The following FOXN1 variants were observed in gnomAD, a reference collection of about 807,000 sequenced individuals.
FOXN1 encodes the protein forkhead box N1, also known as forkhead box protein N1.
Under a neutral mutation model 49.0 loss-of-function variants are expected in FOXN1, and 15 were observed. The ratio of observed to expected loss-of-function variants is 0.31; its 90% CI spans 0.20 to 0.47. The LOEUF is 0.47. Among genes scored for constraint, FOXN1 ranks in the 20% least tolerant of loss-of-function variants. The pLI is 1.00. For synonymous variants in FOXN1, 356 were observed against 369.0 expected (o/e 0.96, Z 0.40); for missense variants, 800 against 842.8 (o/e 0.95, Z 0.63).
rs1555606111 is a variant in FOXN1, at chr17:28,506,458, G to A, written c.-15+15G>A. On this transcript the variant is annotated intron_variant, in intron 1 of 8. Coordinates refer to ENST00000579795, the MANE Select transcript of FOXN1 (RefSeq NM_001369369.1). ...TCACTGAGCAGGTAAGAGGAGCCCCGGCCCAAGTCAGCCGTGGAGGCCAGC... is the reference window on the plus strand; with the variant it reads ...TCACTGAGCAGGTAAGAGGAGCCCCAGCCCAAGTCAGCCGTGGAGGCCAGC... The A allele has an allele frequency of 6.6e-6, 1 of 152,262 alleles. No individual in the cohort carries two copies. Among genetic ancestry groups the A allele is most frequent in the Non-Finnish European group, 1.5e-5 (1 of 68,068 alleles). 9.4% of individuals were successfully genotyped at this position (152,262 alleles called of 1,614,324 possible).
rs1204835958 is a variant in FOXN1 at position 28,534,864 on chromosome 17, C to T, written c.1293C>T (p.Gly431=). 1.2e-6 allele frequency: 2 copies of T among 1,614,050 alleles called. No homozygotes were observed. Among genetic ancestry groups the T allele is most frequent in the South Asian group, 1.1e-5 (1 of 91,082 alleles). ...PPLHSLHPAP[G]PIPGKNPLQD... ...TGCACTCACTCCACCCAGCTCCAGG[C>T]CCCATTCCTGGCAAGAACCCCCTGC... The change falls in exon 8 of 9, where the codon GGC becomes GGT. Residue 431 remains glycine (G), a synonymous_variant. Transcript: ENST00000579795. The surrounding 1 kb of genome is among the most constrained non-coding windows in gnomAD (Gnocchi z 4.1).
Position 28,527,379 on chromosome 17 carries a change from G to A in FOXN1, c.699+18G>A, listed in dbSNP as rs780561388. On this transcript the variant is annotated intron_variant, in intron 4 of 8. Transcript: ENST00000579795. Reference sequence around the variant, plus strand: ...TCCACCAGGTGGGTCTGGGGCAAGTGGGCCTGCTTCCCCCAGGTCTGAGGA... The same window carrying A: ...TCCACCAGGTGGGTCTGGGGCAAGTAGGCCTGCTTCCCCCAGGTCTGAGGA... 28 of 1,439,928 alleles carry A rather than the reference G, an allele frequency of 1.9e-5. No homozygotes were observed. The highest frequency in any genetic ancestry group is 2.7e-5 in the Non-Finnish European group (28 of 1,023,462). 89.2% of individuals were successfully genotyped at this position (1,439,928 alleles called of 1,614,324 possible).
rs759049866 is a variant in FOXN1 at position 28,537,187 on chromosome 17, G to C, written c.1698G>C (p.Pro566=). 6.2e-7 allele frequency: 1 copy of C among 1,613,858 alleles called. No homozygotes were observed. Residue 566 remains proline, a synonymous_variant, in exon 9 of 9, where the codon CCG becomes CCC. Coordinates refer to ENST00000579795, the MANE Select transcript of FOXN1 (RefSeq NM_001369369.1). ...CCCTGGTACTGGTGACCTCATCCCC[G>C]ACATCATCTTCGATGCCACCACCCC... is the stretch of plus-strand genomic sequence containing the variant. The part of the protein sequence containing the change: ...LDPLVLVTSS[P]TSSSMPPPQP...
In FOXN1 at chr17:28,524,858, A is replaced by T. The variant is rs1486844476; in HGVS notation, c.479A>T (p.Glu160Val). 1 of 1,613,644 alleles carries T rather than the reference A, an allele frequency of 6.2e-7. No homozygotes were observed. Among genetic ancestry groups the T allele is most frequent in the African/African-American group, 1.3e-5 (1 of 74,926 alleles). The change falls in exon 3 of 9, where the codon GAG becomes GTG. Residue 160 changes from glutamate (E) to valine (V), a missense_variant. By Grantham distance (121) the Glu-to-Val change is moderately radical (BLOSUM62 -2). This residue lies in a region of FOXN1 where 383 missense variants were observed against 357.9 expected (regional missense o/e 1.07). Coordinates refer to ENST00000579795, the MANE Select transcript of FOXN1 (RefSeq NM_001369369.1). ...KTPGPLEAFE[E>V]IPVDVAEAEA... ...CCAGGGCCGCTGGAGGCCTTCGAGG[A>T]GATCCCAGTGGACGTGGCGGAGGCC...
intron 1 of FOXN1, among the ~76,000 whole-genome samples, chr17:28,518,338 GT>G (rs2069573666): frequency 6.6e-6 from 1 of 152,218 alleles, no homozygotes; most frequent in Non-Finnish European, 1.5e-5. Context: ...GGGGAAGTGA[GT>G]TATCCAACAT....
At chr17:28,513,263 T>C in intron 1 of FOXN1, among the ~76,000 whole-genome samples, 1 of 152,138 alleles carries the variant, frequency 6.6e-6, no homozygotes, top group African/African-American at 2.4e-5. Context: ...AGTGAGACTT[T>C]GTCTCAAACA....
At chr17:28,524,186 C>A (rs1040464991) in intron 2 of FOXN1, 94 bp downstream of exon 2, 2 of 1,337,268 alleles carry the variant, frequency 1.5e-6, no homozygotes, top group African/African-American at 2.9e-5. Flanking sequence ...CCAGGGACCT[C>A]CCAGGGCCTG....
chr17:28,526,009 C>G (rs2069758176), intron 3 of FOXN1, among the ~76,000 whole-genome samples: 1 of 152,190 alleles, frequency 6.6e-6, no homozygotes, highest in South Asian at 2.1e-4. Flanking sequence ...CTCAACAACA[C>G]TCTAGAGAGT....
At chr17:28,525,175 G>T (rs1286820960) in intron 3 of FOXN1, among the ~76,000 whole-genome samples, 1 of 152,106 alleles carries the variant, frequency 6.6e-6, no homozygotes, top group African/African-American at 2.4e-5. Flanking sequence ...GGTAGGCCAG[G>T]CTAAAGAAGC....
At position 28,537,740 on chromosome 17, in the gene FOXN1, C is replaced by G; in HGVS notation, c.*304C>G. 1.9e-6 allele frequency: 1 copy of G among 513,850 alleles called. No individual in the cohort carries two copies. The highest frequency in any genetic ancestry group is 3.6e-6 in the Non-Finnish European group (1 of 280,364). The allele number at this position is 513,850 out of a possible 1,614,324, so 31.8% of individuals were successfully genotyped here. On this transcript the variant is annotated 3_prime_UTR_variant, in exon 9 of 9. Coordinates refer to ENST00000579795, the MANE Select transcript of FOXN1 (RefSeq NM_001369369.1). The stretch of plus-strand genomic sequence containing the variant: ...ACTCATCCACACTTAAGCCCTCGTG[C>G]ACACACACAAATTATTCAGATGTAC...
At position 28,538,322 on chromosome 17, in the gene FOXN1, G is replaced by C. The variant is rs1011456842; in HGVS notation, c.*886G>C. On this transcript the variant is annotated 3_prime_UTR_variant, in exon 9 of 9. Transcript: ENST00000579795. ...TCCTCCAGAAAGAAAAGTTCACATA[G>C]TTTAGGTCCTGGCTTAACTCTACTT... The C allele has an allele frequency of 2.6e-5, 4 of 152,166 alleles. No homozygotes were observed. Among genetic ancestry groups the C allele is most frequent in the Admixed American group, 6.5e-5 (1 of 15,280 alleles). 9.4% of individuals were successfully genotyped at this position (152,166 alleles called of 1,614,324 possible). A position where few individuals can be genotyped will look rare whatever the true frequency, so the allele number is the denominator to read the frequency against.
intron 8 of FOXN1, among the ~76,000 whole-genome samples, 190 bp from the exon 9 acceptor site, chr17:28,536,927 G>A (rs190042257): frequency 5.9e-4 from 90 of 152,006 alleles, no homozygotes; most frequent in Middle Eastern, 3.4e-3. Flanking sequence ...TGTGCTACAC[G>A]GGAGGAGGAA....
At chr17:28,513,785 G>A (rs141702033) in intron 1 of FOXN1, among the ~76,000 whole-genome samples, 2,473 of 152,362 alleles carry the variant, frequency 0.016, 31 homozygotes, top group Non-Finnish European at 0.024. Context: ...CCCACTGTGA[G>A]TGCTTGGATT....
intron 1 of FOXN1, among the ~76,000 whole-genome samples, chr17:28,509,532 G>A (rs375524703): frequency 2.0e-5 from 3 of 152,176 alleles, no homozygotes; most frequent in East Asian, 3.9e-4. Flanking sequence ...TGTCCCCCAG[G>A]TTGTCTGAGC....
chr17:28,531,526 T>C (rs561238358), intron 6 of FOXN1, among the ~76,000 whole-genome samples: 1 of 152,090 alleles, frequency 6.6e-6, no homozygotes, highest in Admixed American at 6.5e-5. Context: ...TCAGACAGGG[T>C]GGTCCATTCC....
Position 28,536,984 on chromosome 17 carries a change from C to T in FOXN1, c.1628-133C>T, listed in dbSNP as rs1469559162. 4.6e-5 allele frequency: 35 copies of T among 754,700 alleles called. No homozygotes were observed. The Admixed American group carries it at 4.9e-4, about 11-fold the overall frequency. 46.8% of individuals were successfully genotyped at this position (754,700 alleles called of 1,614,324 possible). ...AACTGCCTGGGGTCACAAGCTAGTG[C>T]CAGGCTCTGTTCCCAGCACATGTCA... On this transcript the variant is annotated intron_variant, in intron 8 of 8. Coordinates refer to ENST00000579795, the MANE Select transcript of FOXN1 (RefSeq NM_001369369.1).
rs763464553 is a variant in FOXN1 at position 28,535,149 on chromosome 17, C to T, written c.1578C>T (p.Gly526=). 6.2e-7 allele frequency: 1 copy of T among 1,612,888 alleles called. No homozygotes were observed. Among genetic ancestry groups the T allele is most frequent in the Admixed American group, 1.7e-5 (1 of 59,936 alleles). Reference sequence around the variant, plus strand: ...CCCTGCTGCCAGATGGAGACCTTGGCACTGACCTGGATGCCATCAATCCCT... The same window carrying T: ...CCCTGCTGCCAGATGGAGACCTTGGTACTGACCTGGATGCCATCAATCCCT... ...HDTLLPDGDL[G]TDLDAINPSL... Residue 526 remains glycine (G), a synonymous_variant, in exon 8 of 9, where the codon GGC becomes GGT. Coordinates refer to ENST00000579795, the MANE Select transcript of FOXN1 (RefSeq NM_001369369.1).
chr17:28,527,206 G>A (rs1194181765), intron 3 of FOXN1, 45 bp from the exon 4 acceptor site: 1 of 1,292,870 alleles, frequency 7.7e-7, no homozygotes, highest in Non-Finnish European at 1.1e-6. Flanking sequence ...AAGAGGAAGG[G>A]AGAAAATAAG....
In FOXN1 at chr17:28,537,603, C is replaced by T; in HGVS notation, c.*167C>T. ...GTAGCTGGGGGCGCAGAGGACATCACCTGGGGTGCTGCCTCTCACACATTT... is the reference window on the plus strand; with the variant it reads ...GTAGCTGGGGGCGCAGAGGACATCATCTGGGGTGCTGCCTCTCACACATTT... On this transcript the variant is annotated 3_prime_UTR_variant, in exon 9 of 9. Coordinates refer to ENST00000579795, the MANE Select transcript of FOXN1 (RefSeq NM_001369369.1). The T allele has an allele frequency of 3.0e-6, 2 of 673,266 alleles. No homozygotes were observed. The highest frequency in any genetic ancestry group is 5.4e-6 in the Non-Finnish European group (2 of 371,188). The allele number at this position is 673,266 out of a possible 1,614,324, so 41.7% of individuals were successfully genotyped here. A position where few individuals can be genotyped will look rare whatever the true frequency, so the allele number is the denominator to read the frequency against.
Sources: allele counts gnomAD v4.1 joint callset (sites outside exome capture counted in the v4.1 genomes callset), GRCh38; gene constraint gnomAD v4.1.1; regional missense constraint gnomAD v4.1.1; non-coding constraint Gnocchi (gnomAD v3.1); transcripts MANE v1.5; gene names NCBI Gene and HGNC (gene_info 2026-07-23, HGNC 2026-07-21).